Variants in ERBB4 observed in about 807,000 individuals in gnomAD.
The protein encoded by ERBB4 is erb-b2 receptor tyrosine kinase 4.
Under a neutral mutation model 158.0 loss-of-function variants are expected in ERBB4, and 42 were observed. That is an observed-to-expected ratio of 0.27 (90% CI 0.21 to 0.34). The LOEUF (loss-of-function observed/expected upper bound fraction) is 0.34, where lower values mean the gene tolerates loss of function less well. ERBB4 is among the 10% of genes least tolerant of loss of function. The pLI, the probability that ERBB4 is intolerant of heterozygous loss-of-function variation, is 1.00. For missense variants in ERBB4, 1,333 were observed against 1,624.1 expected, an observed-to-expected ratio of 0.82 and a Z score of 3.08; for synonymous variants, 583 against 558.7, an observed-to-expected ratio of 1.04 and a Z score of -0.61.
intron 2 of ERBB4, among the ~76,000 whole-genome samples, chr2:212,073,652 A>C (rs1206048943): frequency 6.6e-6 from 1 of 151,944 alleles, no homozygotes; most frequent in African/African-American, 2.4e-5. Context: ...CACACAGGAA[A>C]ATTTCTTGGT....
intron 3 of ERBB4, among the ~76,000 whole-genome samples, chr2:211,847,337 A>G (rs915844459): frequency 5.3e-5 from 8 of 152,208 alleles, no homozygotes; most frequent in African/African-American, 9.6e-5. Flanking sequence ...AATAACCAAC[A>G]AGTAGTTACT....
chr2:212,257,221 A>C (rs2084770671), intron 1 of ERBB4, among the ~76,000 whole-genome samples: 1 of 152,196 alleles, frequency 6.6e-6, no homozygotes, highest in African/African-American at 2.4e-5. Flanking sequence ...GAAACAAGTC[A>C]ATTTTACTTA....
chr2:212,294,307 A>G (rs1302608306), intron 1 of ERBB4, among the ~76,000 whole-genome samples: 7 of 152,052 alleles, frequency 4.6e-5, no homozygotes, highest in Admixed American at 6.6e-5. Flanking sequence ...TATTAGAGAT[A>G]AAACAAAAAG....
intron 25 of ERBB4, among the ~76,000 whole-genome samples, chr2:211,400,647 G>A (rs2063018637): frequency 6.6e-6 from 1 of 151,522 alleles, no homozygotes; most frequent in Admixed American, 6.6e-5. Flanking sequence ...CAAGGGGAGA[G>A]TAAGAGGAAG....
chr2:212,134,287 TTACTC>T (rs1286046851), intron 1 of ERBB4, among the ~76,000 whole-genome samples: 3 of 152,032 alleles, frequency 2.0e-5, no homozygotes, highest in Non-Finnish European at 2.9e-5. Flanking sequence ...TGATCATACA[TTACTC>T]TATTAGTATA....
chr2:211,885,351 T>A (rs1232362649), intron 3 of ERBB4, among the ~76,000 whole-genome samples: 2 of 152,008 alleles, frequency 1.3e-5, no homozygotes, highest in African/African-American at 4.8e-5. Flanking sequence ...GGATCTATAG[T>A]GATAGTAAAG....
At chr2:212,377,355 A>G (rs931610653) in intron 1 of ERBB4, among the ~76,000 whole-genome samples, 2 of 151,488 alleles carry the variant, frequency 1.3e-5, no homozygotes, top group Non-Finnish European at 2.9e-5. Context: ...TCATTAGGCA[A>G]TTTTGCCATT....
intron 1 of ERBB4, among the ~76,000 whole-genome samples, chr2:212,387,879 A>G (rs902099978): frequency 2.0e-5 from 3 of 152,152 alleles, no homozygotes; most frequent in African/African-American, 7.2e-5. Flanking sequence ...AACGGCAAAG[A>G]TGGCTGCATA....
chr2:211,447,508 A>G (rs1478957858), intron 20 of ERBB4, among the ~76,000 whole-genome samples: 7 of 152,202 alleles, frequency 4.6e-5, no homozygotes, highest in Admixed American at 2.0e-4. Flanking sequence ...TAGAAATGCC[A>G]TATTTTCTGG....
At chr2:212,334,272 A>C (rs914819575) in intron 1 of ERBB4, among the ~76,000 whole-genome samples, 2 of 151,922 alleles carry the variant, frequency 1.3e-5, no homozygotes, top group Non-Finnish European at 2.9e-5. Flanking sequence ...TACTTATCCT[A>C]CAATACTCAA....
intron 2 of ERBB4, among the ~76,000 whole-genome samples, chr2:211,968,037 T>C (rs1285732858): frequency 6.6e-6 from 1 of 152,044 alleles, no homozygotes; most frequent in East Asian, 1.9e-4. Flanking sequence ...ATTAATTACA[T>C]TTTTAAGATT....
intron 2 of ERBB4, among the ~76,000 whole-genome samples, chr2:212,005,359 T>C (rs1231897223): frequency 6.6e-6 from 1 of 152,060 alleles, no homozygotes; most frequent in African/African-American, 2.4e-5. Context: ...TTTTTAACTA[T>C]ATTCAGACAC....
At chr2:212,387,576 C>T (rs1292005938) in intron 1 of ERBB4, among the ~76,000 whole-genome samples, 1 of 151,894 alleles carries the variant, frequency 6.6e-6, no homozygotes, top group Admixed American at 6.6e-5. Flanking sequence ...CACCACCACG[C>T]CCAGCTAATT....
intron 3 of ERBB4, among the ~76,000 whole-genome samples, chr2:211,932,100 G>A (rs893456460): frequency 6.6e-6 from 1 of 152,012 alleles, no homozygotes; most frequent in Admixed American, 6.6e-5. Flanking sequence ...AGGGCTAGAC[G>A]AGAATATTTT....
rs1417968318 is a variant in ERBB4, at chr2:212,376,862, C to T, written c.82+161587G>A. The stretch of plus-strand genomic sequence containing the variant: ...CATTTTTCCATGAAAGTTTTGAAGT[C>T]CCTTCCCATATGTTCAAAGAATGAA... On this transcript the variant is annotated intron_variant, in intron 1 of 27. Coordinates refer to ENST00000342788, the MANE Select transcript of ERBB4 (RefSeq NM_005235.3). Among the ~76,000 whole-genome samples the T allele has an allele frequency of 3.3e-5, 5 of 151,996 alleles. No individual in the cohort carries two copies. The East Asian group carries it at 9.6e-4, about 29-fold the overall frequency.
intron 1 of ERBB4, among the ~76,000 whole-genome samples, chr2:212,137,538 T>C (rs1468020465): frequency 2.0e-5 from 3 of 152,220 alleles, no homozygotes; most frequent in Non-Finnish European, 2.9e-5. Context: ...TAGTATTCCA[T>C]GGTGTATATG....
intron 20 of ERBB4, among the ~76,000 whole-genome samples, chr2:211,540,543 T>G (rs2066775931): frequency 2.0e-5 from 3 of 151,608 alleles, no homozygotes. Context: ...GGTGTTTTTT[T>G]GTTTTTGTTT....
intron 2 of ERBB4, among the ~76,000 whole-genome samples, chr2:212,107,881 T>A (rs966294236): frequency 2.0e-5 from 3 of 152,200 alleles, no homozygotes; most frequent in Admixed American, 2.0e-4. Flanking sequence ...AGGTAAAACA[T>A]GCCTTTCTCC....
chr2:211,895,585 C>T (rs753786746), intron 3 of ERBB4, among the ~76,000 whole-genome samples: 1 of 152,048 alleles, frequency 6.6e-6, no homozygotes. Context: ...TTATCAATTG[C>T]TCCCCCTCTA....
Sources: allele counts gnomAD v4.1 joint callset (sites outside exome capture counted in the v4.1 genomes callset), GRCh38; gene constraint gnomAD v4.1.1; transcripts MANE v1.5; gene names NCBI Gene and HGNC (gene_info 2026-07-23, HGNC 2026-07-21).